Variants in CLIC5 observed in about 807,000 individuals in gnomAD.
The protein encoded by CLIC5 is chloride intracellular channel protein 5.
In CLIC5, 20 loss-of-function variants were observed where a neutral mutation model predicts 24.7. The ratio of observed to expected loss-of-function variants is 0.81; its 90% CI spans 0.57 to 1.18. CLIC5 has a LOEUF of 1.18. Among genes scored for constraint, CLIC5 ranks in the 50% most tolerant of loss-of-function variants. The pLI, the probability that CLIC5 is intolerant of heterozygous loss-of-function variation, is 0.00. For synonymous variants in CLIC5, 159 were observed against 135.6 expected, an observed-to-expected ratio of 1.17 and a Z score of -1.20; for missense variants, 341 against 326.1, an observed-to-expected ratio of 1.05 and a Z score of -0.35.
At chr6:46,046,400 G>A (rs1396405035) in intron 1 of CLIC5, among the ~76,000 whole-genome samples, 2 of 152,176 alleles carry the variant, frequency 1.3e-5, no homozygotes, top group Non-Finnish European at 2.9e-5. Flanking sequence ...TGAAGTGTCA[G>A]TACCATTTCC....
At chr6:45,939,208 T>A (rs376569395) in intron 4 of CLIC5, among the ~76,000 whole-genome samples, 75 of 146,776 alleles carry the variant, frequency 5.1e-4, no homozygotes, top group African/African-American at 1.8e-3. Flanking sequence ...CTGTGTCCTC[T>A]CCTCTCCTCT....
At chr6:46,050,179 C>T (rs780876626) in intron 1 of CLIC5, among the ~76,000 whole-genome samples, 1 of 152,188 alleles carries the variant, frequency 6.6e-6, no homozygotes, top group Non-Finnish European at 1.5e-5. Context: ...CTGTAAGTGC[C>T]TGGACCACAT....
intron 1 of CLIC5, among the ~76,000 whole-genome samples, chr6:46,075,262 C>T (rs1159423501): frequency 6.6e-6 from 1 of 152,124 alleles, no homozygotes; most frequent in Non-Finnish European, 1.5e-5. Context: ...ATCCATGCAA[C>T]CAGACTTCAA....
chr6:45,948,778 TG>T (rs1045621543), intron 3 of CLIC5, among the ~76,000 whole-genome samples: 11 of 152,190 alleles, frequency 7.2e-5, no homozygotes, highest in African/African-American at 2.7e-4. Flanking sequence ...TTTTTTCATC[TG>T]TTTAATTGTG....
intron 1 of CLIC5, among the ~76,000 whole-genome samples, chr6:46,030,133 C>G (rs1166760247): frequency 6.6e-6 from 1 of 152,154 alleles, no homozygotes; most frequent in Non-Finnish European, 1.5e-5. Flanking sequence ...TGCCGAGAAC[C>G]TCCCTTGAGT....
chr6:46,123,003 C>G, the CLIC5 span: 1 of 152,194 alleles, frequency 6.6e-6, no homozygotes, highest in Non-Finnish European at 1.5e-5. Flanking sequence ...ACCAGAGGTA[C>G]AAGGAGTAGC....
upstream of CLIC5, among the ~76,000 whole-genome samples, chr6:46,017,941 G>A (rs564099948): frequency 1.4e-4 from 21 of 152,282 alleles, no homozygotes; most frequent in African/African-American, 4.8e-4. Flanking sequence ...AACTCTCTTG[G>A]TACATTATAA....
At chr6:46,011,573 T>C (rs565307000) in intron 1 of CLIC5, among the ~76,000 whole-genome samples, 18 of 152,354 alleles carry the variant, frequency 1.2e-4, no homozygotes, top group Non-Finnish European at 1.0e-4. Flanking sequence ...CACTGGTTTC[T>C]GTTGAAACCT....
In CLIC5 at chr6:45,899,041, T is replaced by C. The variant is rs1240350221; in HGVS notation, c.*4047A>G. The C allele has an allele frequency of 6.6e-6, 1 of 152,314 alleles. No individual in the cohort carries two copies. The highest frequency in any genetic ancestry group is 2.4e-5 in the African/African-American group (1 of 41,568). The allele number at this position is 152,314 out of a possible 1,614,324, so 9.4% of individuals were successfully genotyped here. ...AATTATGCACACTTTGGATCATACA[T>C]AATTATGAATCGAAAGTATCCTGAC... On this transcript the variant is annotated 3_prime_UTR_variant, in exon 6 of 6. Transcript: ENST00000339561.
chr6:45,944,635 C>G (rs966590584), intron 3 of CLIC5, among the ~76,000 whole-genome samples: 1 of 151,738 alleles, frequency 6.6e-6, no homozygotes, highest in African/African-American at 2.4e-5. Context: ...GGTAAGTGCC[C>G]TATCTGGTTT....
chr6:46,033,747 C>T (rs1034894515), intron 1 of CLIC5, among the ~76,000 whole-genome samples: 2 of 152,300 alleles, frequency 1.3e-5, no homozygotes, highest in South Asian at 4.1e-4. Context: ...CTAGATTTAT[C>T]TTTGTATTTG....
chr6:45,914,138 G>A (rs112681836), intron 5 of CLIC5, 90 bp downstream of exon 5: 20 of 1,059,600 alleles, frequency 1.9e-5, no homozygotes, highest in Non-Finnish European at 2.5e-5. Context: ...TTGACCAACA[G>A]GTGGTACTGT....
At chr6:45,913,323 T>G (rs953862031) in intron 5 of CLIC5, among the ~76,000 whole-genome samples, 2 of 152,138 alleles carry the variant, frequency 1.3e-5, no homozygotes, top group Non-Finnish European at 2.9e-5. Context: ...GGGGAAGAAG[T>G]GCTCATTGAC....
intron 1 of CLIC5, among the ~76,000 whole-genome samples, chr6:45,975,160 G>T (rs2127408068): frequency 6.6e-6 from 1 of 152,230 alleles, no homozygotes. Context: ...CCCTTTACTT[G>T]TGCCTCCAAA....
chr6:46,108,032 CAAAA>C, the CLIC5 span, among the ~76,000 whole-genome samples: 4 of 33,288 alleles, frequency 1.2e-4, no homozygotes, highest in Admixed American at 4.2e-4. Flanking sequence ...AAAACTCCAT[CAAAA>C]AAAAAAAAAA....
In CLIC5 at chr6:45,936,040, AC is replaced by A. The variant is rs1399236100; in HGVS notation, c.406+5506del. On this transcript the variant is annotated intron_variant, in intron 4 of 5. Coordinates refer to ENST00000339561, the MANE Select transcript of CLIC5 (RefSeq NM_016929.5). ...TAGTCCTTCTTTCTCTTCCTCCTTG[AC>A]TCCTCTCCCTCTGTCATCCCATCTA... 5.3e-5 allele frequency among the ~76,000 whole-genome samples: 8 copies of A among 149,614 alleles called. No homozygotes were observed. In the East Asian group the frequency reaches 1.6e-3, roughly 30 times the overall value.
At chr6:46,057,375 A>G (rs978411914) in intron 1 of CLIC5, among the ~76,000 whole-genome samples, 1 of 152,140 alleles carries the variant, frequency 6.6e-6, no homozygotes, top group African/African-American at 2.4e-5. Context: ...GCCATGTAAG[A>G]AGTGCTTTTC....
the CLIC5 span, chr6:46,102,441 T>A: frequency 6.6e-6 from 1 of 152,182 alleles, no homozygotes; most frequent in African/African-American, 2.4e-5. Flanking sequence ...TTTCTTTATG[T>A]CCAACTTTTA....
intron 1 of CLIC5, among the ~76,000 whole-genome samples, chr6:46,062,298 C>T (rs1410585230): frequency 6.6e-6 from 1 of 152,228 alleles, no homozygotes; most frequent in African/African-American, 2.4e-5. Flanking sequence ...AAAAAATGCA[C>T]TTGTGGTTCA....
Sources: allele counts gnomAD v4.1 joint callset (sites outside exome capture counted in the v4.1 genomes callset), GRCh38; gene constraint gnomAD v4.1.1; transcripts MANE v1.5; gene names NCBI Gene and HGNC (gene_info 2026-07-23, HGNC 2026-07-21).